The following ADAM28 variants were observed in gnomAD, a reference collection of about 807,000 sequenced individuals.
ADAM28 encodes ADAM metallopeptidase domain 28.
A neutral mutation model predicts 101.2 loss-of-function variants in ADAM28; 105 were observed. The ratio of observed to expected loss-of-function variants is 1.04; its 90% confidence interval spans 0.89 to 1.22. The LOEUF (loss-of-function observed/expected upper bound fraction) is 1.22. Among genes scored for constraint, ADAM28 ranks in the 50% most tolerant of loss-of-function variants. ADAM28 has a pLI of 0.00. For synonymous variants in ADAM28, 322 were observed against 310.6 expected, an observed-to-expected ratio of 1.04 and a Z score of -0.39; for missense variants, 1,028 against 945.4, an observed-to-expected ratio of 1.09 and a Z score of -1.15.
At chr8:24,344,546 T>G (rs74948239) in intron 18 of ADAM28, among the ~76,000 whole-genome samples, 2,199 of 152,266 alleles carry the variant, frequency 0.014, 57 homozygotes, top group African/African-American at 0.05. Context: ...GAACATTTAT[T>G]TCTGATGTTT....
At chr8:24,318,147 A>T (rs1811406801) in intron 6 of ADAM28, among the ~76,000 whole-genome samples, 1 of 151,978 alleles carries the variant, frequency 6.6e-6, no homozygotes, top group Non-Finnish European at 1.5e-5. Flanking sequence ...ACAGTTGGCC[A>T]CCTTTGATTG....
chr8:24,342,496 C>T (rs948780304), intron 16 of ADAM28, among the ~76,000 whole-genome samples: 7 of 152,214 alleles, frequency 4.6e-5, no homozygotes, highest in Non-Finnish European at 7.4e-5. Context: ...TATAAATCTG[C>T]TGATTTGACA....
In ADAM28 at chr8:24,331,239, C is replaced by A. The variant is rs1400339349; in HGVS notation, c.1193C>A (p.Ala398Asp). ...EDKLSNCLFN[A>D]PLPTDIISTP... is the part of the protein sequence containing the mutation. ...AAATTATCAAATTGCCTCTTTAATGCTCCATTGCCTACAGATATCATATCC... is the reference window on the plus strand; with the variant it reads ...AAATTATCAAATTGCCTCTTTAATGATCCATTGCCTACAGATATCATATCC... The change falls in exon 12 of 23, where the codon GCT (alanine) becomes GAT (aspartate). Residue 398 changes from alanine (A) to aspartate (D), a missense_variant. Transcript: ENST00000265769. 6.2e-7 allele frequency: 1 copy of A among 1,613,386 alleles called. No individual in the cohort carries two copies. The highest frequency in any genetic ancestry group is 8.5e-7 in the Non-Finnish European group (1 of 1,179,572).
chr8:24,343,130 T>G lies in ADAM28; in HGVS notation c.1860T>G (p.Ile620Met). 1 of 1,613,828 alleles carries G rather than the reference T, an allele frequency of 6.2e-7. No homozygotes were observed. The highest frequency in any genetic ancestry group is 8.5e-7 in the Non-Finnish European group (1 of 1,179,806). The change falls in exon 17 of 23, where the codon ATT becomes ATG. Residue 620 changes from isoleucine (I) to methionine (M), a missense_variant. Ile to Met is a conservative substitution (Grantham distance 10). Coordinates refer to ENST00000265769, the MANE Select transcript of ADAM28 (RefSeq NM_014265.6). ...KVCINAECVD[I>M]EKAYKSTNCS... ...GCATTAATGCAGAATGTGTGGATAT[T>G]GAGAAAGCCTACAAATCAACCAATT...
intron 7 of ADAM28, among the ~76,000 whole-genome samples, chr8:24,320,846 C>A (rs1160983102): frequency 3.9e-5 from 6 of 151,944 alleles, no homozygotes; most frequent in Non-Finnish European, 5.9e-5. Context: ...GGCCCTAAAG[C>A]TTTGGTCTTA....
chr8:24,308,851 T>G (rs1324473602), intron 2 of ADAM28: 1 of 370,722 alleles, frequency 2.7e-6, no homozygotes, highest in African/African-American at 2.1e-5. Context: ...ATGCCTTGTC[T>G]GTCTGTGAGC....
rs1031950233 is a variant in ADAM28, at chr8:24,354,996, G to A, written c.*592G>A. 1 of 152,484 alleles carries A rather than the reference G, an allele frequency of 6.6e-6. No individual in the cohort carries two copies. Among genetic ancestry groups the A allele is most frequent in the African/African-American group, 2.4e-5 (1 of 41,416 alleles). The allele number at this position is 152,484 out of a possible 1,614,324, so 9.4% of individuals were successfully genotyped here. A position where few individuals can be genotyped will look rare whatever the true frequency, so the allele number is the denominator to read the frequency against. On this transcript the variant is annotated 3_prime_UTR_variant, in exon 23 of 23. Transcript: ENST00000265769. Reference sequence around the variant, plus strand: ...ATAATTAATTACTGGCATGGTTAAAGTGGTTTTCACTTTTTAAATGGAGAA... The same window carrying A: ...ATAATTAATTACTGGCATGGTTAAAATGGTTTTCACTTTTTAAATGGAGAA...
chr8:24,328,187 C>T (rs572783784), intron 10 of ADAM28, among the ~76,000 whole-genome samples: 6 of 151,642 alleles, frequency 4.0e-5, no homozygotes, highest in Admixed American at 3.9e-4. Flanking sequence ...TAAAACATTC[C>T]TTATAATACA....
intron 16 of ADAM28, 21 bp downstream of exon 16, chr8:24,341,778 T>C (rs755202976): frequency 6.8e-6 from 11 of 1,613,074 alleles, no homozygotes; most frequent in Non-Finnish European, 9.3e-6. Flanking sequence ...ATTGTGGCTT[T>C]CACTCAAAAT....
intron 2 of ADAM28, among the ~76,000 whole-genome samples, chr8:24,301,436 T>A (rs1379609187): frequency 6.6e-6 from 1 of 152,136 alleles, no homozygotes; most frequent in Non-Finnish European, 1.5e-5. Context: ...TTTACCTGTA[T>A]AACAAACTGG....
intron 1 of ADAM28, among the ~76,000 whole-genome samples, chr8:24,297,469 G>A (rs1255943017): frequency 1.3e-5 from 2 of 152,106 alleles, no homozygotes; most frequent in Non-Finnish European, 1.5e-5. Flanking sequence ...ACAAAAAATC[G>A]GGAACGTAGC....
At position 24,341,741 on chromosome 8, in the gene ADAM28, AGT is replaced by A. The variant is rs1408962423; in HGVS notation, c.1818_1819del (p.Cys606TrpfsTer3). ...ATAGGCATGGTGGCCAATGGAACTAAGTGTGGCGATAACAAGGTAAGTTGAAA... is the reference window on the plus strand; with the variant it reads ...ATAGGCATGGTGGCCAATGGAACTAAGTGGCGATAACAAGGTAAGTTGAAA... On this transcript the variant is annotated frameshift_variant, in exon 16 of 23. Coordinates refer to ENST00000265769, the MANE Select transcript of ADAM28 (RefSeq NM_014265.6). LOFTEE classifies it high-confidence loss of function. 2 of 1,613,730 alleles carry A rather than the reference AGT, an allele frequency of 1.2e-6. No individual in the cohort carries two copies. The highest frequency in any genetic ancestry group is 3.3e-5 in the Admixed American group (2 of 59,994).
In ADAM28 at chr8:24,335,558, T is replaced by C; in HGVS notation, c.1484T>C (p.Phe495Ser). 1 of 1,614,010 alleles carries C rather than the reference T, an allele frequency of 6.2e-7. No homozygotes were observed. The stretch of plus-strand genomic sequence containing the variant: ...GATGATAGATTCCAAGTCAATGGCT[T>C]CCCTTGCCATCACGGGAAGGGCCAC... Reference protein sequence around the residue: ...CPDDRFQVNGFPCHHGKGHCL... With the variant: ...CPDDRFQVNGSPCHHGKGHCL... The change falls in exon 14 of 23, where the codon TTC becomes TCC. Residue 495 changes from phenylalanine to serine, a missense_variant. Transcript: ENST00000265769.
chr8:24,350,606 C>T (rs1005552557), intron 19 of ADAM28, among the ~76,000 whole-genome samples: 3 of 152,138 alleles, frequency 2.0e-5, no homozygotes, highest in African/African-American at 4.8e-5. Flanking sequence ...TCTCCACACC[C>T]GGCCGTGTGC....
At position 24,329,142 on chromosome 8, in the gene ADAM28, A is replaced by G. The variant is rs555012452; in HGVS notation, c.973-843A>G. Among the ~76,000 whole-genome samples the G allele has an allele frequency of 7.2e-5, 11 of 152,172 alleles. No homozygotes were observed. In the South Asian group the frequency reaches 1.0e-3, roughly 14 times the overall value. On this transcript the variant is annotated intron_variant, in intron 10 of 22. Coordinates refer to ENST00000265769, the MANE Select transcript of ADAM28 (RefSeq NM_014265.6). ...CCCATTTGGAGCACTCCATATTTCT[A>G]TATAGGAGGTTTTACCATGTTCATC...
rs907026294 is a variant in ADAM28 at position 24,356,861 on chromosome 8, T to A, written c.*2457T>A. The A allele has an allele frequency of 6.6e-6, 1 of 152,200 alleles. No homozygotes were observed. Among genetic ancestry groups the A allele is most frequent in the Non-Finnish European group, 1.5e-5 (1 of 68,016 alleles). The allele number at this position is 152,200 out of a possible 1,614,324, so 9.4% of individuals were successfully genotyped here. A position where few individuals can be genotyped will look rare whatever the true frequency, so the allele number is the denominator to read the frequency against. ...TATTACAACTCACCAAATTACTGGT[T>A]TTATATGGCCTTTGGGAAGGCTTTT... On this transcript the variant is annotated 3_prime_UTR_variant, in exon 23 of 23. Coordinates refer to ENST00000265769, the MANE Select transcript of ADAM28 (RefSeq NM_014265.6).
rs577264225 is a variant in ADAM28, at chr8:24,326,255, T to A, written c.891-299T>A. On this transcript the variant is annotated intron_variant, in intron 9 of 22. Transcript: ENST00000265769. ...AAGATACATGTAGACAGATGTTTAT[T>A]AAGACCAAAAATAGCCTTTCTTTTT... is the stretch of plus-strand genomic sequence containing the variant. Among the ~76,000 whole-genome samples the A allele has an allele frequency of 6.5e-4, 99 of 152,128 alleles. 2 individuals are homozygous for A. The highest frequency in any genetic ancestry group is 1.3e-3 in the Non-Finnish European group (86 of 67,934).
At chr8:24,318,327 A>G (rs1811434686) in intron 6 of ADAM28, among the ~76,000 whole-genome samples, 1 of 151,630 alleles carries the variant, frequency 6.6e-6, no homozygotes, top group Middle Eastern at 3.2e-3. Flanking sequence ...CAGGAGTGCT[A>G]CTCCTCATTT....
At chr8:24,300,203 T>C in intron 2 of ADAM28, 126 bp downstream of exon 2, 1 of 680,030 alleles carries the variant, frequency 1.5e-6, no homozygotes, top group South Asian at 2.6e-5. Flanking sequence ...TGTGTGTGTG[T>C]ATGTGTGTGC....
Sources: gnomAD v4.1 joint callset for allele counts (sites outside exome capture counted in the v4.1 genomes callset) on GRCh38, gnomAD v4.1.1 for gene constraint, MANE v1.5 for transcripts, NCBI Gene and HGNC (gene_info 2026-07-23, HGNC 2026-07-21) for gene names.